The following ILDR2 variants were observed in gnomAD, a reference collection of about 807,000 sequenced individuals.
ILDR2 encodes immunoglobulin-like domain-containing receptor 2.
ILDR2 carries 25 observed loss-of-function variants against 66.8 expected under a neutral mutation model. The observed-to-expected ratio is 0.37, with a 90% confidence interval of 0.27 to 0.52. The LOEUF (loss-of-function observed/expected upper bound fraction) is 0.52. Among genes scored for constraint, ILDR2 ranks in the 20% least tolerant of loss-of-function variants. The pLI, the probability that ILDR2 is intolerant of heterozygous loss-of-function variation, is 0.88. For synonymous variants in ILDR2, 367 were observed against 357.2 expected (o/e 1.03, Z -0.31); for missense variants, 827 against 876.8 (o/e 0.94, Z 0.72).
At chr1:166,938,075 G>A (rs1223694138) in intron 4 of ILDR2, among the ~76,000 whole-genome samples, 1 of 152,218 alleles carries the variant, frequency 6.6e-6, no homozygotes, top group Non-Finnish European at 1.5e-5. Context: ...AAATTAAACA[G>A]GTCAACATCT....
At chr1:166,932,369 G>C (rs1660687774) in intron 6 of ILDR2, among the ~76,000 whole-genome samples, 1 of 152,334 alleles carries the variant, frequency 6.6e-6, no homozygotes, top group Non-Finnish European at 1.5e-5. Context: ...ACTCTTTCAA[G>C]GAGTTTGGCT....
At chr1:166,931,814 A>G (rs1217794637) in intron 6 of ILDR2, among the ~76,000 whole-genome samples, 1 of 152,246 alleles carries the variant, frequency 6.6e-6, no homozygotes, top group African/African-American at 2.4e-5. Context: ...AAAGGTGGAC[A>G]ACAATGCCAT....
intron 3 of ILDR2, among the ~76,000 whole-genome samples, chr1:166,955,197 T>C (rs981508871): frequency 1.3e-5 from 2 of 152,212 alleles, no homozygotes; most frequent in African/African-American, 4.8e-5. Flanking sequence ...CAGTCATATT[T>C]CCATTCTTTT....
intron 6 of ILDR2, among the ~76,000 whole-genome samples, chr1:166,934,539 A>G (rs1660829438): frequency 6.6e-6 from 1 of 151,900 alleles, no homozygotes; most frequent in Non-Finnish European, 1.5e-5. Context: ...TCATGGTGCC[A>G]CCTCTGCCCT....
chr1:166,921,356 A>C lies in ILDR2; in HGVS notation c.1235T>G (p.Met412Arg). The stretch of plus-strand genomic sequence containing the variant: ...CGTGGCGAAGTTCTTCCGCGACAGC[A>C]TCTCCGACTTGGAGCGCGGCTGGCT... ...RHSQPRSKSE[M>R]LSRKNFATGV... The change falls in exon 9 of 10, where the codon ATG (methionine) becomes AGG (arginine). Residue 412 changes from methionine to arginine, a missense_variant. By Grantham distance (91) the Met-to-Arg change is moderately conservative. This residue lies in a region of ILDR2 where 437 missense variants were observed against 523.2 expected (regional missense o/e 0.84). Transcript: ENST00000271417. The surrounding 1 kb of genome is among the most constrained non-coding windows in gnomAD (Gnocchi z 5.3). 2 of 1,576,854 alleles carry C rather than the reference A, an allele frequency of 1.3e-6. No individual in the cohort carries two copies. Among genetic ancestry groups the C allele is most frequent in the Non-Finnish European group, 1.7e-6 (2 of 1,157,210 alleles).
At chr1:166,920,637 G>T in intron 9 of ILDR2, 70 bp downstream of exon 9, 1 of 1,324,332 alleles carries the variant, frequency 7.6e-7, no homozygotes, top group South Asian at 2.3e-5. Flanking sequence ...CCCAGACAGC[G>T]ACACTGCTCG....
intron 3 of ILDR2, among the ~76,000 whole-genome samples, chr1:166,949,893 G>A (rs1191047660): frequency 1.3e-5 from 2 of 152,154 alleles, no homozygotes; most frequent in Non-Finnish European, 2.9e-5. Flanking sequence ...GTGGGGCTGA[G>A]GCCTGAAAAG....
At position 166,921,385 on chromosome 1, in the gene ILDR2, G is replaced by A. The variant is rs1659929300; in HGVS notation, c.1212-6C>T. 4 of 1,553,836 alleles carry A rather than the reference G, an allele frequency of 2.6e-6. No individual in the cohort carries two copies. Among genetic ancestry groups the A allele is most frequent in the East Asian group, 2.3e-5 (1 of 43,604 alleles). ...CCGACTTGGAGCGCGGCTGGCTGCG[G>A]GCAGAGAAGGAGGGGGTCAGACGGC... On this transcript the variant is annotated splice_region_variant and splice_polypyrimidine_tract_variant and intron_variant, in intron 8 of 9. Coordinates refer to ENST00000271417, the MANE Select transcript of ILDR2 (RefSeq NM_199351.3). This position sits in a 1 kb window ranked among gnomAD's most constrained non-coding sequence, Gnocchi z 5.3.
intron 6 of ILDR2, among the ~76,000 whole-genome samples, chr1:166,928,902 T>C (rs1660463987): frequency 1.3e-5 from 2 of 152,244 alleles, no homozygotes; most frequent in Non-Finnish European, 2.9e-5. Context: ...CCATAATCCT[T>C]GTGTGGAAGC....
intron 9 of ILDR2, among the ~76,000 whole-genome samples, chr1:166,919,919 T>C (rs1200954357): frequency 6.6e-6 from 1 of 152,182 alleles, no homozygotes; most frequent in Non-Finnish European, 1.5e-5. Flanking sequence ...GAAGCAGTTG[T>C]GCTTGGAGAG....
chr1:166,966,456 G>T (rs897791730), intron 1 of ILDR2, among the ~76,000 whole-genome samples: 1 of 152,154 alleles, frequency 6.6e-6, no homozygotes, highest in Non-Finnish European at 1.5e-5. Flanking sequence ...TTTCCAAAGA[G>T]CCATGGTAAA....
chr1:166,901,296 C>G (rs1236824312), intron 2 of ILDR2, among the ~76,000 whole-genome samples: 1 of 152,184 alleles, frequency 6.6e-6, no homozygotes, highest in Non-Finnish European at 1.5e-5. Flanking sequence ...ATGGCCGGAT[C>G]CCCATCAACC....
chr1:166,913,563 C>T lies in ILDR2; in HGVS notation c.*5792G>A, dbSNP rs1263365549. ...ACTAGTTACTTCATGGCCAGCCCCA[C>T]CAAGAAACTCTAAGAAAAATTTAGC... On this transcript the variant is annotated 3_prime_UTR_variant, in exon 10 of 10. Transcript: ENST00000271417. The T allele has an allele frequency of 6.6e-6, 1 of 152,164 alleles. No individual in the cohort carries two copies. Among genetic ancestry groups the T allele is most frequent in the Non-Finnish European group, 1.5e-5 (1 of 68,036 alleles). The allele number at this position is 152,164 out of a possible 1,614,324, so 9.4% of individuals were successfully genotyped here. A position where few individuals can be genotyped will look rare whatever the true frequency, so the allele number is the denominator to read the frequency against.
At chr1:166,935,078 T>C (rs1193382203) in intron 6 of ILDR2, among the ~76,000 whole-genome samples, 1 of 152,114 alleles carries the variant, frequency 6.6e-6, no homozygotes, top group African/African-American at 2.4e-5. Flanking sequence ...GTTCTAGTAA[T>C]TGAGGAGTCT....
In ILDR2 at chr1:166,915,776, G is replaced by C. The variant is rs1320806141; in HGVS notation, c.*3579C>G. 1.3e-5 allele frequency: 2 copies of C among 152,204 alleles called. No individual in the cohort carries two copies. The allele number at this position is 152,204 out of a possible 1,614,324, so 9.4% of individuals were successfully genotyped here. Reference sequence around the variant, plus strand: ...CAGAAATATTTACAGATGTGGTCAGGTGCCTTGGGTTTGGGTGGCAGCCTT... The same window carrying C: ...CAGAAATATTTACAGATGTGGTCAGCTGCCTTGGGTTTGGGTGGCAGCCTT... On this transcript the variant is annotated 3_prime_UTR_variant, in exon 10 of 10. Coordinates refer to ENST00000271417, the MANE Select transcript of ILDR2 (RefSeq NM_199351.3).
chr1:166,900,561 G>A (rs1409006988), intron 2 of ILDR2, among the ~76,000 whole-genome samples: 1 of 152,136 alleles, frequency 6.6e-6, no homozygotes, highest in East Asian at 1.9e-4. Context: ...AAGCAGATAG[G>A]GTTGTTATCC....
At position 166,914,530 on chromosome 1, in the gene ILDR2, T is replaced by C. The variant is rs553540062; in HGVS notation, c.*4825A>G. On this transcript the variant is annotated 3_prime_UTR_variant, in exon 10 of 10. Transcript: ENST00000271417. ...CCTGCCTCTATCACAGCAGTTGATG[T>C]TGGGATCAAATGAAAGTGTTCTGTA... The C allele has an allele frequency of 1.3e-5, 2 of 152,372 alleles. No homozygotes were observed. The highest frequency in any genetic ancestry group is 2.4e-5 in the African/African-American group (1 of 41,596). 9.4% of individuals were successfully genotyped at this position (152,372 alleles called of 1,614,324 possible).
chr1:166,920,120 G>C (rs1412753355), intron 9 of ILDR2, among the ~76,000 whole-genome samples: 1 of 152,150 alleles, frequency 6.6e-6, no homozygotes, highest in Non-Finnish European at 1.5e-5. Flanking sequence ...ACTGGATAGG[G>C]ACCAAAGGAT....
At chr1:166,934,311 T>G (rs1660813755) in intron 6 of ILDR2, among the ~76,000 whole-genome samples, 1 of 152,256 alleles carries the variant, frequency 6.6e-6, no homozygotes, top group South Asian at 2.1e-4. Context: ...TTCTGTCTTA[T>G]GATCTATGAT....
Sources: gnomAD v4.1 joint callset for allele counts (sites outside exome capture counted in the v4.1 genomes callset) on GRCh38, gnomAD v4.1.1 for gene constraint, gnomAD v4.1.1 regional missense constraint, Gnocchi (gnomAD v3.1) non-coding constraint, MANE v1.5 for transcripts, NCBI Gene and HGNC (gene_info 2026-07-23, HGNC 2026-07-21) for gene names.